CES5A: variants seen among roughly 807,000 people sequenced by gnomAD.
CES5A encodes carboxylesterase 5.
In CES5A, 67 loss-of-function variants were observed where a neutral mutation model predicts 62.9. That is an observed-to-expected ratio of 1.07 (90% CI 0.88 to 1.31). The LOEUF (loss-of-function observed/expected upper bound fraction) is 1.31. CES5A is among the 50% of genes most tolerant of loss of function. The pLI is 0.00. For synonymous variants in CES5A, 296 were observed against 280.8 expected, an observed-to-expected ratio of 1.05 and a Z score of -0.54; for missense variants, 748 against 708.5, an observed-to-expected ratio of 1.06 and a Z score of -0.63.
chr16:55,950,453 T>C (rs2034542648), intron 1 of CES5A, among the ~76,000 whole-genome samples: 1 of 152,098 alleles, frequency 6.6e-6, no homozygotes, highest in South Asian at 2.1e-4. Flanking sequence ...ATTACAAACT[T>C]GAGTACTGAA....
chr16:55,946,137 A>C (rs1223934780), intron 2 of CES5A, among the ~76,000 whole-genome samples: 1 of 152,240 alleles, frequency 6.6e-6, no homozygotes, highest in Non-Finnish European at 1.5e-5. Context: ...GAAAGAAGAT[A>C]AAGTAACTTC....
chr16:55,874,890 A>G (rs2033665798), intron 1 of CES5A, among the ~76,000 whole-genome samples: 1 of 152,244 alleles, frequency 6.6e-6, no homozygotes, highest in South Asian at 2.1e-4. Flanking sequence ...TCCAGTGCTC[A>G]GGATGGAGCC....
chr16:55,949,493 T>C (rs2034531821), intron 2 of CES5A, among the ~76,000 whole-genome samples: 2 of 152,230 alleles, frequency 1.3e-5, no homozygotes, highest in Admixed American at 6.5e-5. Flanking sequence ...CACATCACAA[T>C]GCCCACCACA....
At position 55,871,936 on chromosome 16, in the gene CES5A, C is replaced by A. The variant is rs1026145878; in HGVS notation, c.279-173G>T. On this transcript the variant is annotated intron_variant, in intron 2 of 12. Transcript: ENST00000290567. The stretch of plus-strand genomic sequence containing the variant: ...AAACCCCCATGGTTTCCAAAACAAA[C>A]AAGCAAGCAAATTATAATTCTCATT... The A allele has an allele frequency of 1.1e-5, 7 of 610,410 alleles. No individual in the cohort carries two copies. The Admixed American group carries it at 1.2e-4, about 10-fold the overall frequency. The allele number at this position is 610,410 out of a possible 1,614,324, so 37.8% of individuals were successfully genotyped here.
At chr16:55,911,408 G>A (rs1043187424) in intron 1 of CES5A, among the ~76,000 whole-genome samples, 15 of 152,182 alleles carry the variant, frequency 9.9e-5, no homozygotes, top group South Asian at 8.3e-4. Flanking sequence ...AGAAACGATC[G>A]TGGTGGACAA....
At chr16:55,874,102 T>A (rs1483474832) in intron 1 of CES5A, 65 bp from the exon 2 acceptor site, 1 of 1,425,462 alleles carries the variant, frequency 7.0e-7, no homozygotes, top group African/African-American at 1.4e-5. Flanking sequence ...GCCCACCCAG[T>A]CTGGAGCTCC....
chr16:55,867,539 C>T (rs776682617), intron 4 of CES5A, among the ~76,000 whole-genome samples: 1 of 152,174 alleles, frequency 6.6e-6, no homozygotes, highest in Admixed American at 6.5e-5. Context: ...GACCACTGAG[C>T]TGGCTCTCAC....
chr16:55,932,874 A>T (rs1380831188), intron 2 of CES5A, among the ~76,000 whole-genome samples: 1 of 152,238 alleles, frequency 6.6e-6, no homozygotes, highest in East Asian at 1.9e-4. Context: ...TAAAGAATGA[A>T]TTTGGGGGAT....
At chr16:55,895,833 T>A (rs530911822) in intron 1 of CES5A, among the ~76,000 whole-genome samples, 372 of 152,276 alleles carry the variant, frequency 2.4e-3, no homozygotes, top group African/African-American at 8.4e-3. Context: ...ATCCCCAATA[T>A]GGCAGCATTT....
rs554411765 is a variant in CES5A at position 55,848,971 on chromosome 16, C to T, written c.1423+653G>A. Among the ~76,000 whole-genome samples, 8 of 152,244 alleles carry T rather than the reference C, an allele frequency of 5.3e-5. No homozygotes were observed. In the South Asian group the frequency reaches 1.5e-3, roughly 28 times the overall value. The stretch of plus-strand genomic sequence containing the variant: ...GTGCACAAATACACTCTATATGGAA[C>T]GTTCTGTCCTCTTTGTCAAGAGGCC... On this transcript the variant is annotated intron_variant, in intron 11 of 12. Coordinates refer to ENST00000290567, the MANE Select transcript of CES5A (RefSeq NM_001143685.2).
upstream of CES5A, among the ~76,000 whole-genome samples, chr16:55,879,066 A>G (rs1334960564): frequency 1.5e-5 from 2 of 137,140 alleles, no homozygotes; most frequent in Non-Finnish European, 3.1e-5. Flanking sequence ...ACTGCACCCC[A>G]TCACTGCACC....
chr16:55,852,970 G>C lies in CES5A; in HGVS notation c.1184C>G (p.Ser395Cys). The C allele has an allele frequency of 6.2e-7, 1 of 1,614,170 alleles. No individual in the cohort carries two copies. Among genetic ancestry groups the C allele is most frequent in the Non-Finnish European group, 8.5e-7 (1 of 1,180,014 alleles). ...AAGACTGTCTCGGATTTCAGTCAGG[G>C]AGTGCTTGTCATGGAAGTATTCATT... ...VANEYFHDKHSLTEIRDSLLD... is the reference protein window; with the variant it reads ...VANEYFHDKHCLTEIRDSLLD... Residue 395 changes from serine to cysteine, a missense_variant, in exon 10 of 13, where the codon TCC (serine) becomes TGC (cysteine). Ser to Cys is a moderately radical substitution (Grantham distance 112, BLOSUM62 -1). Transcript: ENST00000290567.
At chr16:55,852,694 C>A (rs531743049) in intron 10 of CES5A, among the ~76,000 whole-genome samples, 187 bp downstream of exon 10, 1 of 152,296 alleles carries the variant, frequency 6.6e-6, no homozygotes, top group South Asian at 2.1e-4. Context: ...ATCAACATCC[C>A]CAAACTCTGA....
intron 6 of CES5A, 110 bp downstream of exon 6, chr16:55,863,238 G>A (rs1340665122): frequency 2.8e-6 from 2 of 720,660 alleles, no homozygotes; most frequent in Non-Finnish European, 5.1e-6. Flanking sequence ...AGCATGAGGT[G>A]CCTTGGGCAT....
At position 55,935,795 on chromosome 16, in the gene CES5A, T is replaced by G. The variant is rs569567169; in HGVS notation, c.160+13990A>C. ...ATGTTTCATTCACTAATGCTTTTTT[T>G]TTTTGGCATATTCTTTCTTCCATAC... On this transcript the variant is annotated intron_variant, in intron 2 of 13. Coordinates refer to the CES5A transcript ENST00000521992. 4.5e-4 allele frequency among the ~76,000 whole-genome samples: 69 copies of G among 152,296 alleles called. No individual in the cohort carries two copies. The Middle Eastern group carries it at 0.017, about 38-fold the overall frequency.
chr16:55,873,550 G>A lies in CES5A; in HGVS notation c.278+283C>T, dbSNP rs185093686. On this transcript the variant is annotated intron_variant, in intron 2 of 12. Transcript: ENST00000290567. ...CTGGTGATCAGAGTCTCTAAAAAGC[G>A]TTCAGATAATAGTTTCCTGGGCTCA... Among the ~76,000 whole-genome samples, 304 of 152,280 alleles carry A rather than the reference G, an allele frequency of 2.0e-3. 2 individuals are homozygous for A. The highest frequency in any genetic ancestry group is 0.014 in the Admixed American group (220 of 15,304).
chr16:55,894,929 G>A (rs2033916726), intron 1 of CES5A, among the ~76,000 whole-genome samples: 1 of 152,178 alleles, frequency 6.6e-6, no homozygotes, highest in South Asian at 2.1e-4. Flanking sequence ...AGCTTGGGAG[G>A]AAAGATGGGA....
intron 4 of CES5A, among the ~76,000 whole-genome samples, chr16:55,869,085 G>C (rs1413611190): frequency 2.6e-5 from 4 of 152,228 alleles, no homozygotes; most frequent in Non-Finnish European, 4.4e-5. Flanking sequence ...AGACACCACC[G>C]ACTGCTCACA....
At chr16:55,863,213 G>A in intron 6 of CES5A, 135 bp downstream of exon 6, 2 of 657,532 alleles carry the variant, frequency 3.0e-6, no homozygotes, top group South Asian at 1.8e-5. Context: ...GGAGGAACAA[G>A]GTTCACCTTG....
Sources: allele counts gnomAD v4.1 joint callset (sites outside exome capture counted in the v4.1 genomes callset), GRCh38; gene constraint gnomAD v4.1.1; transcripts MANE v1.5; gene names NCBI Gene and HGNC (gene_info 2026-07-23, HGNC 2026-07-21).